Variants in CACNG8 observed in about 807,000 individuals in gnomAD.
CACNG8 encodes voltage-dependent calcium channel gamma-8 subunit.
CACNG8 carries 5 observed loss-of-function variants against 26.9 expected under a neutral mutation model. The ratio of observed to expected loss-of-function variants is 0.19; its 90% CI spans 0.10 to 0.39. The LOEUF is 0.39. Ranked by LOEUF, CACNG8 falls within the 10% of genes least tolerant of loss-of-function variation. CACNG8 has a pLI of 1.00. For missense variants in CACNG8, 473 were observed against 609.4 expected (o/e 0.78, Z 2.36); for synonymous variants, 321 against 296.7 (o/e 1.08, Z -0.84).
rs1600035794 is a variant in CACNG8 at position 53,980,207 on chromosome 19, T to A, written c.508+200T>A. On this transcript the variant is annotated intron_variant, in intron 3 of 3. Coordinates refer to ENST00000270458, the MANE Select transcript of CACNG8 (RefSeq NM_031895.6). Reference sequence around the variant, plus strand: ...CCAAGCTCCATCGCCACCCGCTGGGTAAGGTGGGTGTAGTTCTCGCGTCGC... The same window carrying A: ...CCAAGCTCCATCGCCACCCGCTGGGAAAGGTGGGTGTAGTTCTCGCGTCGC... 3.3e-5 allele frequency among the ~76,000 whole-genome samples: 5 copies of A among 151,778 alleles called. 1 individual carries two copies. The highest frequency in any genetic ancestry group is 3.3e-4 in the Admixed American group (5 of 15,266).
intron 1 of CACNG8, among the ~76,000 whole-genome samples, chr19:53,968,322 A>G (rs1041447072): frequency 2.0e-5 from 3 of 151,702 alleles, no homozygotes; most frequent in Non-Finnish European, 4.4e-5. Context: ...CTAAAGTGAG[A>G]CATGATCATA....
chr19:53,979,148 G>A (rs1002956192), intron 2 of CACNG8, among the ~76,000 whole-genome samples: 1 of 135,784 alleles, frequency 7.4e-6, no homozygotes, highest in Admixed American at 8.2e-5. Context: ...TGAGGCCAGG[G>A]AGAAAAAGTG....
chr19:53,982,708 C>CGTCACG lies in CACNG8; in HGVS notation c.1149_1154dup (p.Val384_Thr385dup). On this transcript the variant is annotated inframe_insertion, in exon 4 of 4. Coordinates refer to ENST00000270458, the MANE Select transcript of CACNG8 (RefSeq NM_031895.6). The surrounding 1 kb of genome is among the most constrained non-coding windows in gnomAD (Gnocchi z 8.4). ...CCTTCCCCAAGGAGGCGGGCGGCGG[C>CGTCACG]GTCACGGTCACGGTCACCGGGCCGC... The CGTCACG allele has an allele frequency of 8.7e-6, 10 of 1,155,492 alleles. No individual in the cohort carries two copies. Among genetic ancestry groups the CGTCACG allele is most frequent in the African/African-American group, 1.6e-5 (1 of 60,968 alleles). 71.6% of individuals were successfully genotyped at this position (1,155,492 alleles called of 1,614,324 possible).
rs994658767 is a variant in CACNG8, at chr19:53,970,869, C to T, written c.284-7277C>T. On this transcript the variant is annotated intron_variant, in intron 1 of 3. Coordinates refer to ENST00000270458, the MANE Select transcript of CACNG8 (RefSeq NM_031895.6). ...ATTGCTTGAGCCCAGAAGGTCGAGG[C>T]TGCAGTGAGCTGTGATTGTGCCACT... is the stretch of plus-strand genomic sequence containing the variant. Among the ~76,000 whole-genome samples, 20 of 146,976 alleles carry T rather than the reference C, an allele frequency of 1.4e-4. No individual in the cohort carries two copies. In the Admixed American group the frequency reaches 1.4e-3, roughly 10 times the overall value.
chr19:53,983,014 A>G lies in CACNG8; in HGVS notation c.*165A>G. On this transcript the variant is annotated 3_prime_UTR_variant, in exon 4 of 4. Coordinates refer to ENST00000270458, the MANE Select transcript of CACNG8 (RefSeq NM_031895.6). ...CCCCGCCCCCCTCCCCCTCCGAAGC[A>G]GGGACCCCGAGGGAGGGGGCAGGGG... The G allele has an allele frequency of 4.0e-6, 1 of 251,568 alleles. No individual in the cohort carries two copies. The highest frequency in any genetic ancestry group is 6.8e-6 in the Non-Finnish European group (1 of 147,866). The allele number at this position is 251,568 out of a possible 1,614,324, so 15.6% of individuals were successfully genotyped here.
rs2069385337 is a variant in CACNG8 at position 53,983,094 on chromosome 19, G to C, written c.*245G>C. 1.0e-5 allele frequency: 2 copies of C among 192,220 alleles called. No homozygotes were observed. Among genetic ancestry groups the C allele is most frequent in the African/African-American group, 4.9e-5 (2 of 41,190 alleles). The allele number at this position is 192,220 out of a possible 1,614,324, so 11.9% of individuals were successfully genotyped here. The stretch of plus-strand genomic sequence containing the variant: ...TGTTTTATTTTTTTGGGGGATCTAT[G>C]GGGAGGGGGGAGGGCCATGGTGTTT... On this transcript the variant is annotated 3_prime_UTR_variant, in exon 4 of 4. Coordinates refer to ENST00000270458, the MANE Select transcript of CACNG8 (RefSeq NM_031895.6).
Position 53,988,375 on chromosome 19 carries a change from G to A in CACNG8, c.*5526G>A, listed in dbSNP as rs2069420415. 1 of 151,914 alleles carries A rather than the reference G, an allele frequency of 6.6e-6. No homozygotes were observed. The highest frequency in any genetic ancestry group is 2.1e-4 in the South Asian group (1 of 4,802). The allele number at this position is 151,914 out of a possible 1,614,324, so 9.4% of individuals were successfully genotyped here. On this transcript the variant is annotated 3_prime_UTR_variant, in exon 4 of 4. Transcript: ENST00000270458. ...AGCACTTTGGGAGGCCGAAGTGGGT[G>A]GATCACTTGAGGTCAGGAGTTCGAG...
Position 53,963,302 on chromosome 19 carries a change from A to T in CACNG8, c.160A>T (p.Thr54Ser). 6.2e-7 allele frequency: 1 copy of T among 1,606,764 alleles called. No homozygotes were observed. Among genetic ancestry groups the T allele is most frequent in the South Asian group, 1.1e-5 (1 of 90,890 alleles). Residue 54 changes from threonine (T) to serine (S), a missense_variant, in exon 1 of 4, where the codon ACC (threonine) becomes TCC (serine). Thr to Ser is a moderately conservative substitution (Grantham distance 58). Coordinates refer to ENST00000270458, the MANE Select transcript of CACNG8 (RefSeq NM_031895.6). ...CTACACGCGCGCCCTCATCTGCAACACCACCAACCTCACGGCCGGCGGCGA... is the reference window on the plus strand; with the variant it reads ...CTACACGCGCGCCCTCATCTGCAACTCCACCAACCTCACGGCCGGCGGCGA...
intron 1 of CACNG8, among the ~76,000 whole-genome samples, chr19:53,969,306 A>G (rs1359472583): frequency 6.6e-6 from 1 of 152,084 alleles, no homozygotes; most frequent in Non-Finnish European, 1.5e-5. Context: ...CCCAGCCGGT[A>G]CTTTTATTAT....
chr19:53,979,786 G>T, intron 2 of CACNG8, 81 bp from the exon 3 acceptor site: 3 of 1,436,296 alleles, frequency 2.1e-6, no homozygotes, highest in South Asian at 1.4e-5. Flanking sequence ...GCCGCGAGAT[G>T]GGGGGCCGGG....
Position 53,982,671 on chromosome 19 carries a change from C to T in CACNG8, c.1100C>T (p.Thr367Met), listed in dbSNP as rs1305302825. The T allele has an allele frequency of 1.3e-5, 14 of 1,097,706 alleles. No individual in the cohort carries two copies. In the East Asian group the frequency reaches 7.7e-4, roughly 60 times the overall value. 68.0% of individuals were successfully genotyped at this position (1,097,706 alleles called of 1,614,324 possible). A position where few individuals can be genotyped will look rare whatever the true frequency, so the allele number is the denominator to read the frequency against. Reference sequence around the variant, plus strand: ...CGCGGGGGGGCGTCCGGCTTCCTCACGCTGCACAACGCCTTCCCCAAGGAG... The same window carrying T: ...CGCGGGGGGGCGTCCGGCTTCCTCATGCTGCACAACGCCTTCCCCAAGGAG... The change falls in exon 4 of 4, where the codon ACG becomes ATG. Residue 367 changes from threonine to methionine, a missense_variant. Around this residue, in one of 6 missense-constraint regions of CACNG8, gnomAD observed 212 missense variants for 214.4 expected, o/e 0.99. Transcript: ENST00000270458. This position sits in a 1 kb window ranked among gnomAD's most constrained non-coding sequence, Gnocchi z 8.4.
chr19:53,982,893 CG>C lies in CACNG8; in HGVS notation c.*47del. 1 of 1,208,160 alleles carries C rather than the reference CG, an allele frequency of 8.3e-7. No homozygotes were observed. The highest frequency in any genetic ancestry group is 2.6e-5 in the South Asian group (1 of 38,570). 74.8% of individuals were successfully genotyped at this position (1,208,160 alleles called of 1,614,324 possible). On this transcript the variant is annotated 3_prime_UTR_variant, in exon 4 of 4. Transcript: ENST00000270458. This position sits in a 1 kb window ranked among gnomAD's most constrained non-coding sequence, Gnocchi z 8.4. ...GAGGGGCGTGTCCGGGGCGCGTGCGCGGGCGCGCGTGCATCGAGGCTGCCGG... is the reference window on the plus strand; with the variant it reads ...GAGGGGCGTGTCCGGGGCGCGTGCGCGGCGCGCGTGCATCGAGGCTGCCGG...
chr19:53,975,962 T>G (rs1314854657), intron 1 of CACNG8, among the ~76,000 whole-genome samples: 1 of 152,120 alleles, frequency 6.6e-6, no homozygotes, highest in African/African-American at 2.4e-5. Flanking sequence ...CTCATATCAG[T>G]CCCATGAGGT....
Position 53,985,560 on chromosome 19 carries a change from C to T in CACNG8, c.*2711C>T, listed in dbSNP as rs530391482. The T allele has an allele frequency of 6.6e-6, 1 of 152,202 alleles. No homozygotes were observed. Among genetic ancestry groups the T allele is most frequent in the South Asian group, 2.1e-4 (1 of 4,828 alleles). The allele number at this position is 152,202 out of a possible 1,614,324, so 9.4% of individuals were successfully genotyped here. On this transcript the variant is annotated 3_prime_UTR_variant, in exon 4 of 4. Coordinates refer to ENST00000270458, the MANE Select transcript of CACNG8 (RefSeq NM_031895.6). Reference sequence around the variant, plus strand: ...ATGCCGGAGCGGGTGTTAAAAGAGACAAATCTGGCCGGGTGCTGTGGCTCC... The same window carrying T: ...ATGCCGGAGCGGGTGTTAAAAGAGATAAATCTGGCCGGGTGCTGTGGCTCC...
At position 53,979,848 on chromosome 19, in the gene CACNG8, TTTCC is replaced by T. The variant is rs752023973; in HGVS notation, c.368-13_368-10del. The T allele has an allele frequency of 1.9e-6, 3 of 1,583,580 alleles. No homozygotes were observed. On this transcript the variant is annotated splice_polypyrimidine_tract_variant and intron_variant, in intron 2 of 3. Coordinates refer to ENST00000270458, the MANE Select transcript of CACNG8 (RefSeq NM_031895.6). ...CCGCCCTCGCTCTCCCTCCTTTTCC[TTTCC>T]TTCCTCCCCCGCAGGAGTTGTCCGG...
intron 1 of CACNG8, among the ~76,000 whole-genome samples, chr19:53,975,044 C>T (rs564182238): frequency 7.6e-4 from 110 of 144,018 alleles, no homozygotes; most frequent in Admixed American, 1.3e-3. Context: ...CACCTCCCGG[C>T]TTCAAGTGAT....
In CACNG8 at chr19:53,989,171, G is replaced by GCTC. The variant is rs1250730708; in HGVS notation, c.*6323_*6324insTCC. On this transcript the variant is annotated 3_prime_UTR_variant, in exon 4 of 4. Coordinates refer to ENST00000270458, the MANE Select transcript of CACNG8 (RefSeq NM_031895.6). ...AGTCCTAGATACTCGGGAGGCTGAG[G>GCTC]CGGGAGGATTGCTTGAGTCCAGGAG... The GCTC allele has an allele frequency of 2.0e-5, 3 of 152,348 alleles. No individual in the cohort carries two copies. The highest frequency in any genetic ancestry group is 7.2e-5 in the African/African-American group (3 of 41,442). 9.4% of individuals were successfully genotyped at this position (152,348 alleles called of 1,614,324 possible).
Position 53,963,075 on chromosome 19 carries a change from C to A in CACNG8, c.-68C>A, listed in dbSNP as rs879305408. 3.1e-5 allele frequency: 33 copies of A among 1,072,196 alleles called. No homozygotes were observed. The highest frequency in any genetic ancestry group is 3.8e-5 in the Non-Finnish European group (31 of 813,954). The allele number at this position is 1,072,196 out of a possible 1,614,324, so 66.4% of individuals were successfully genotyped here. On this transcript the variant is annotated 5_prime_UTR_variant, in exon 1 of 4. Coordinates refer to ENST00000270458, the MANE Select transcript of CACNG8 (RefSeq NM_031895.6). The stretch of plus-strand genomic sequence containing the variant: ...GCCTGCGCTGTGAACCCCCCCCCAG[C>A]CGCCGGCACGGCCCCGCCCCCGCTG...
intron 2 of CACNG8, 126 bp downstream of exon 2, chr19:53,978,355 C>A (rs1600033788): frequency 1.5e-6 from 1 of 677,134 alleles, no homozygotes; most frequent in African/African-American, 1.8e-5. Flanking sequence ...AGGTTAGCCT[C>A]CCAGCCAATC....
Sources: allele counts gnomAD v4.1 joint callset (sites outside exome capture counted in the v4.1 genomes callset), GRCh38; gene constraint gnomAD v4.1.1; regional missense constraint gnomAD v4.1.1; non-coding constraint Gnocchi (gnomAD v3.1); transcripts MANE v1.5; gene names NCBI Gene and HGNC (gene_info 2026-07-23, HGNC 2026-07-21).